Variants in CACNA2D3 observed in about 807,000 individuals in gnomAD.
CACNA2D3 encodes the protein voltage-dependent calcium channel subunit alpha-2/delta-3.
In CACNA2D3, 60 loss-of-function variants were observed where a neutral mutation model predicts 160.6. The observed-to-expected ratio is 0.37, with a 90% CI of 0.30 to 0.46. The LOEUF is 0.46. CACNA2D3 is among the 20% of genes least tolerant of loss of function. CACNA2D3 has a pLI of 1.00. For missense variants in CACNA2D3, 1,205 were observed against 1,365.0 expected, an observed-to-expected ratio of 0.88 and a Z score of 1.85; for synonymous variants, 558 against 492.9, an observed-to-expected ratio of 1.13 and a Z score of -1.75.
At chr3:54,586,262 C>CAAAAAAA (rs34992866) in intron 9 of CACNA2D3, among the ~76,000 whole-genome samples, 63 of 101,186 alleles carry the variant, frequency 6.2e-4, no homozygotes, top group Non-Finnish European at 9.3e-4. Flanking sequence ...AGATCCATCT[C>CAAAAAAA]AAAAAAAAAA....
chr3:54,986,565 T>TTCTCCCC (rs1702616948), intron 30 of CACNA2D3, among the ~76,000 whole-genome samples: 2 of 152,294 alleles, frequency 1.3e-5, no homozygotes, highest in South Asian at 4.1e-4. Flanking sequence ...CTTCCTCCTT[T>TTCTCCCC]TCTCCCCCTT....
At chr3:54,437,438 C>T (rs1042137111) in intron 4 of CACNA2D3, among the ~76,000 whole-genome samples, 7 of 152,138 alleles carry the variant, frequency 4.6e-5, no homozygotes, top group East Asian at 1.9e-4. Flanking sequence ...GGTATTTTCC[C>T]GTGTGTTGTT....
intron 2 of CACNA2D3, among the ~76,000 whole-genome samples, chr3:54,264,069 T>C (rs916281006): frequency 3.9e-5 from 6 of 152,198 alleles, no homozygotes; most frequent in Non-Finnish European, 7.3e-5. Flanking sequence ...TGAATGCCAG[T>C]GTTTTATCCC....
intron 17 of CACNA2D3, among the ~76,000 whole-genome samples, chr3:54,857,375 C>G (rs1366902530): frequency 5.9e-5 from 9 of 152,158 alleles, no homozygotes; most frequent in Admixed American, 5.2e-4. Context: ...CTGACAGCAG[C>G]TAGGTGAAGG....
At chr3:54,276,913 A>G (rs984616036) in intron 2 of CACNA2D3, among the ~76,000 whole-genome samples, 1 of 152,196 alleles carries the variant, frequency 6.6e-6, no homozygotes, top group African/African-American at 2.4e-5. Flanking sequence ...TGATGACTGT[A>G]CACTGTGGTT....
intron 5 of CACNA2D3, among the ~76,000 whole-genome samples, chr3:54,553,560 A>T (rs985262183): frequency 1.3e-5 from 2 of 152,194 alleles, no homozygotes; most frequent in African/African-American, 4.8e-5. Flanking sequence ...GTTGATTCTG[A>T]GCTGAGTCCC....
chr3:54,583,151 A>G (rs905064749), intron 9 of CACNA2D3, among the ~76,000 whole-genome samples: 3 of 152,134 alleles, frequency 2.0e-5, no homozygotes, highest in Admixed American at 1.3e-4. Flanking sequence ...CAATATTGTA[A>G]TATTGTAATA....
At chr3:54,233,716 A>G (rs984420321) in intron 2 of CACNA2D3, among the ~76,000 whole-genome samples, 4 of 152,358 alleles carry the variant, frequency 2.6e-5, no homozygotes, top group East Asian at 3.9e-4. Context: ...GTTGCTTGCA[A>G]GCAAGAAATC....
intron 14 of CACNA2D3, among the ~76,000 whole-genome samples, chr3:54,830,783 T>C (rs1703859114): frequency 1.3e-5 from 2 of 152,058 alleles, no homozygotes; most frequent in South Asian, 4.1e-4. Flanking sequence ...GGCCCCTAAA[T>C]ATATTTTTGT....
At chr3:54,852,613 T>C (rs1699082825) in intron 17 of CACNA2D3, among the ~76,000 whole-genome samples, 2 of 152,232 alleles carry the variant, frequency 1.3e-5, no homozygotes, top group Non-Finnish European at 2.9e-5. Flanking sequence ...ACATGGATTC[T>C]GCTTCTTTGT....
intron 17 of CACNA2D3, among the ~76,000 whole-genome samples, chr3:54,859,604 T>C (rs1487111116): frequency 2.0e-5 from 3 of 152,224 alleles, no homozygotes; most frequent in Non-Finnish European, 4.4e-5. Flanking sequence ...TGTAGCATGA[T>C]AGGATTGTCC....
At chr3:54,708,979 A>G (rs937852565) in intron 11 of CACNA2D3, among the ~76,000 whole-genome samples, 68 of 149,818 alleles carry the variant, frequency 4.5e-4, no homozygotes, top group African/African-American at 1.6e-3. Flanking sequence ...CTGCTTATCA[A>G]CCCTAAAACC....
intron 17 of CACNA2D3, among the ~76,000 whole-genome samples, chr3:54,869,133 A>G (rs1699468057): frequency 6.6e-6 from 1 of 152,172 alleles, no homozygotes; most frequent in Non-Finnish European, 1.5e-5. Flanking sequence ...TTTTTTGAGG[A>G]CGAAGGAACA....
At position 54,763,733 on chromosome 3, in the gene CACNA2D3, A is replaced by ATACATAT. The variant is rs1173239354; in HGVS notation, c.1247-484_1247-483insACATATT. On this transcript the variant is annotated intron_variant, in intron 12 of 37. Coordinates refer to ENST00000474759, the MANE Select transcript of CACNA2D3 (RefSeq NM_018398.3). ...TATATATGTACATATATACATATAT[A>ATACATAT]TGTGTATATATGTGCATATATATAC... 9.0e-4 allele frequency among the ~76,000 whole-genome samples: 65 copies of ATACATAT among 72,442 alleles called. 6 individuals carry two copies. In the East Asian group the frequency reaches 0.024, roughly 27 times the overall value. The allele number at this position is 72,442 out of a possible 152,430, so 47.5% of individuals were successfully genotyped here. A position where few individuals can be genotyped will look rare whatever the true frequency, so the allele number is the denominator to read the frequency against.
At chr3:54,957,177 T>C (rs1701919396) in intron 27 of CACNA2D3, among the ~76,000 whole-genome samples, 1 of 152,134 alleles carries the variant, frequency 6.6e-6, no homozygotes, top group South Asian at 2.1e-4. Context: ...TTTTTTTTTT[T>C]TTTAGAGACA....
intron 5 of CACNA2D3, among the ~76,000 whole-genome samples, chr3:54,508,076 C>G (rs1243310690): frequency 1.3e-5 from 2 of 152,188 alleles, no homozygotes; most frequent in Non-Finnish European, 1.5e-5. Flanking sequence ...ACTGAGGGAG[C>G]TTGTTGTCCA....
chr3:54,485,221 CAG>C (rs1163702213), intron 4 of CACNA2D3, among the ~76,000 whole-genome samples: 4 of 152,186 alleles, frequency 2.6e-5, no homozygotes, highest in East Asian at 1.9e-4. Context: ...GCCGTAGAAT[CAG>C]GGGTTATCAT....
At chr3:54,611,019 T>C (rs75244767) in intron 9 of CACNA2D3, among the ~76,000 whole-genome samples, 2,313 of 152,296 alleles carry the variant, frequency 0.015, 47 homozygotes, top group African/African-American at 0.05. Context: ...GTGGACAGCA[T>C]TCATGTCCCA....
chr3:54,410,750 C>A (rs550970280), intron 4 of CACNA2D3, among the ~76,000 whole-genome samples: 164 of 152,198 alleles, frequency 1.1e-3, no homozygotes, highest in Non-Finnish European at 2.1e-3. Flanking sequence ...ACGCAACATC[C>A]GTTCTACAGT....
Sources: gnomAD v4.1 joint callset for allele counts (sites outside exome capture counted in the v4.1 genomes callset) on GRCh38, gnomAD v4.1.1 for gene constraint, MANE v1.5 for transcripts, NCBI Gene and HGNC (gene_info 2026-07-23, HGNC 2026-07-21) for gene names.